The following PIAS2 variants were observed in gnomAD, a reference collection of about 807,000 sequenced individuals.
PIAS2 encodes protein inhibitor of activated STAT 2.
A neutral mutation model predicts 69.7 loss-of-function variants in PIAS2; 19 were observed. That is an observed-to-expected ratio of 0.27 (90% CI 0.19 to 0.40). The LOEUF is 0.40. PIAS2 is among the 10% of genes least tolerant of loss of function. The pLI is 1.00. For synonymous variants in PIAS2, 261 were observed against 263.2 expected, an observed-to-expected ratio of 0.99 and a Z score of 0.08; for missense variants, 624 against 757.0, an observed-to-expected ratio of 0.82 and a Z score of 2.06.
intron 2 of PIAS2, among the ~76,000 whole-genome samples, chr18:46,884,302 TTTTA>T (rs1024662135): frequency 3.3e-5 from 5 of 151,908 alleles, no homozygotes; most frequent in Admixed American, 6.6e-5. Flanking sequence ...GGATCTCATG[TTTTA>T]TTTATTTATT....
rs561320457 is a variant in PIAS2 at position 46,837,250 on chromosome 18, A to C, written c.1042-733T>G. 2.6e-4 allele frequency among the ~76,000 whole-genome samples: 39 copies of C among 151,892 alleles called. No homozygotes were observed. The South Asian group carries it at 7.1e-3, about 27-fold the overall frequency. On this transcript the variant is annotated intron_variant, in intron 8 of 13. Coordinates refer to ENST00000585916, the MANE Select transcript of PIAS2 (RefSeq NM_004671.5). ...CATGTGTATTAACATGCTTTGTTCC[A>C]CTCAACCTTTTCAATATAATGTTAT...
At chr18:46,865,462 C>T (rs1486756348) in intron 2 of PIAS2, among the ~76,000 whole-genome samples, 1 of 150,204 alleles carries the variant, frequency 6.7e-6, no homozygotes, top group African/African-American at 2.5e-5. Flanking sequence ...ATCGCTTGAA[C>T]CTGGGAGGTG....
intron 10 of PIAS2, among the ~76,000 whole-genome samples, chr18:46,828,848 G>A (rs2043180498): frequency 6.6e-6 from 1 of 152,150 alleles, no homozygotes; most frequent in Non-Finnish European, 1.5e-5. Flanking sequence ...AAAAATGAAT[G>A]ACAGTTGATA....
At chr18:46,873,342 G>A (rs2050659273) in intron 2 of PIAS2, among the ~76,000 whole-genome samples, 1 of 152,184 alleles carries the variant, frequency 6.6e-6, no homozygotes, top group South Asian at 2.1e-4. Flanking sequence ...TAAATGTTTA[G>A]ATTTAATTGA....
At chr18:46,900,657 C>G (rs1344800417) in intron 1 of PIAS2, among the ~76,000 whole-genome samples, 1 of 145,316 alleles carries the variant, frequency 6.9e-6, no homozygotes, top group Admixed American at 6.9e-5. Context: ...GCCTGGGTGA[C>G]AGAGTAAGAC....
At chr18:46,919,746 T>C (rs2058424811), upstream of PIAS2, among the ~76,000 whole-genome samples, 1 of 152,254 alleles carries the variant, frequency 6.6e-6, no homozygotes, top group Non-Finnish European at 1.5e-5. Flanking sequence ...GTTGGCCTTG[T>C]ATTTGTTTAA....
intron 1 of PIAS2, among the ~76,000 whole-genome samples, chr18:46,906,912 G>A (rs2056684207): frequency 6.6e-6 from 1 of 152,046 alleles, no homozygotes. Context: ...TGACTAGACT[G>A]TTTCATACCA....
chr18:46,899,407 C>T (rs1174624193), intron 1 of PIAS2, among the ~76,000 whole-genome samples: 1 of 152,226 alleles, frequency 6.6e-6, no homozygotes, highest in African/African-American at 2.4e-5. Context: ...GCAGGCCTAA[C>T]ACACTCAATG....
chr18:46,920,005 C>T, upstream of PIAS2: 1 of 1,220,642 alleles, frequency 8.2e-7, no homozygotes, highest in Non-Finnish European at 1.1e-6. Context: ...TAAAGAGGAC[C>T]AACATAAACA....
intron 5 of PIAS2, among the ~76,000 whole-genome samples, chr18:46,849,922 G>A (rs556416990): frequency 6.6e-6 from 1 of 151,954 alleles, no homozygotes; most frequent in Non-Finnish European, 1.5e-5. Context: ...TTCTAGACAT[G>A]CCATTTAACC....
chr18:46,831,660 AG>A (rs2043641415), intron 9 of PIAS2, among the ~76,000 whole-genome samples: 1 of 152,242 alleles, frequency 6.6e-6, no homozygotes, highest in Non-Finnish European at 1.5e-5. Context: ...TCACACATAT[AG>A]TCAATTAATT....
At chr18:46,883,994 T>C (rs1284468567) in intron 2 of PIAS2, among the ~76,000 whole-genome samples, 4 of 152,064 alleles carry the variant, frequency 2.6e-5, no homozygotes, top group African/African-American at 4.8e-5. Flanking sequence ...CAAGACCTTA[T>C]AAAAAGAACA....
chr18:46,868,561 G>A (rs570300835), intron 2 of PIAS2, among the ~76,000 whole-genome samples: 7 of 152,182 alleles, frequency 4.6e-5, no homozygotes, highest in Middle Eastern at 3.4e-3. Flanking sequence ...AGATTGTGCC[G>A]TCTGACTCCA....
At chr18:46,919,500 T>A (rs1315573881), upstream of PIAS2, among the ~76,000 whole-genome samples, 11 of 142,832 alleles carry the variant, frequency 7.7e-5, no homozygotes, top group East Asian at 2.1e-4. Context: ...AAAAAAAAAA[T>A]TAGCCGGGTG....
chr18:46,887,980 A>G (rs1425156077), intron 2 of PIAS2, among the ~76,000 whole-genome samples: 2 of 152,212 alleles, frequency 1.3e-5, no homozygotes, highest in Non-Finnish European at 2.9e-5. Flanking sequence ...AAGATTTCAC[A>G]CAAAAAACCT....
At chr18:46,850,663 A>G (rs1333021652) in intron 5 of PIAS2, among the ~76,000 whole-genome samples, 2 of 152,180 alleles carry the variant, frequency 1.3e-5, no homozygotes, top group African/African-American at 4.8e-5. Flanking sequence ...CAGTGGTGTC[A>G]AGATTGATCA....
At position 46,812,301 on chromosome 18, in the gene PIAS2, G is replaced by A. The variant is rs79716003; in HGVS notation, c.*132C>T. 7,640 of 586,604 alleles carry A rather than the reference G, an allele frequency of 0.013. 75 individuals carry two copies. Among genetic ancestry groups the A allele is most frequent in the Non-Finnish European group, 0.017 (5,935 of 339,578 alleles). The allele number at this position is 586,604 out of a possible 1,614,324, so 36.3% of individuals were successfully genotyped here. A position where few individuals can be genotyped will look rare whatever the true frequency, so the allele number is the denominator to read the frequency against. On this transcript the variant is annotated 3_prime_UTR_variant, in exon 14 of 14. Coordinates refer to ENST00000585916, the MANE Select transcript of PIAS2 (RefSeq NM_004671.5). ...GTCTTCTGTGTTCACCCCTCAGAAAGCAAAAGAATCCATCTGACTTTCAAT... is the reference window on the plus strand; with the variant it reads ...GTCTTCTGTGTTCACCCCTCAGAAAACAAAAGAATCCATCTGACTTTCAAT...
rs964534182 is a variant in PIAS2 at position 46,804,002 on chromosome 18, A to G, written c.*8431T>C. 2.0e-5 allele frequency: 3 copies of G among 151,618 alleles called. No individual in the cohort carries two copies. Among genetic ancestry groups the G allele is most frequent in the African/African-American group, 4.9e-5 (2 of 41,198 alleles). 9.4% of individuals were successfully genotyped at this position (151,618 alleles called of 1,614,324 possible). On this transcript the variant is annotated 3_prime_UTR_variant, in exon 14 of 14. Coordinates refer to ENST00000585916, the MANE Select transcript of PIAS2 (RefSeq NM_004671.5). ...CCCGTACCACCTACCCTAAACATGCACCTCCTTCTGTTTTCCTCTCTTGGT... is the reference window on the plus strand; with the variant it reads ...CCCGTACCACCTACCCTAAACATGCGCCTCCTTCTGTTTTCCTCTCTTGGT...
Position 46,807,035 on chromosome 18 carries a change from CAATGTTTGCCTGTT to C in PIAS2, c.*5384_*5397del, listed in dbSNP as rs1214601036. On this transcript the variant is annotated 3_prime_UTR_variant, in exon 14 of 14. Coordinates refer to ENST00000585916, the MANE Select transcript of PIAS2 (RefSeq NM_004671.5). Reference sequence around the variant, plus strand: ...TAAGGGAATATAAAGTGAAAACAGGCAATGTTTGCCTGTTTTTATAGCTTTTAGCCTTACCACTT... The same window carrying C: ...TAAGGGAATATAAAGTGAAAACAGGCTTTATAGCTTTTAGCCTTACCACTT... The C allele has an allele frequency of 2.0e-5, 3 of 151,478 alleles. No homozygotes were observed. Among genetic ancestry groups the C allele is most frequent in the African/African-American group, 2.4e-5 (1 of 41,204 alleles). The allele number at this position is 151,478 out of a possible 1,614,324, so 9.4% of individuals were successfully genotyped here. A position where few individuals can be genotyped will look rare whatever the true frequency, so the allele number is the denominator to read the frequency against.
Sources: gnomAD v4.1 joint callset for allele counts (sites outside exome capture counted in the v4.1 genomes callset) on GRCh38, gnomAD v4.1.1 for gene constraint, MANE v1.5 for transcripts, NCBI Gene and HGNC (gene_info 2026-07-23, HGNC 2026-07-21) for gene names.